Variants in NEK9 observed in about 807,000 individuals in gnomAD.
NEK9 encodes the protein serine/threonine-protein kinase Nek9.
A neutral mutation model predicts 123.4 loss-of-function variants in NEK9; 75 were observed. That is an observed-to-expected ratio of 0.61 (90% CI 0.50 to 0.74). The LOEUF (loss-of-function observed/expected upper bound fraction) is 0.74, where lower values mean the gene tolerates loss of function less well. NEK9 is among the 30% of genes least tolerant of loss of function. The probability of loss-of-function intolerance (pLI) is 0.00; values close to 1 mark genes in which losing one functional copy is unlikely to be tolerated. For synonymous variants in NEK9, 438 were observed against 458.7 expected (o/e 0.95, Z 0.58); for missense variants, 952 against 1,214.4 (o/e 0.78, Z 3.21).
rs528655834 is a variant in NEK9, at chr14:75,113,577, A to G, written c.874-174T>C. 7.7e-4 allele frequency among the ~76,000 whole-genome samples: 117 copies of G among 152,332 alleles called. 1 individual carries two copies. The highest frequency in any genetic ancestry group is 2.5e-3 in the African/African-American group (105 of 41,572). On this transcript the variant is annotated intron_variant, in intron 7 of 21. Transcript: ENST00000238616. ...CATTATAATCAACACTTGTACATGA[A>G]GGAGAATGTTTATAATGCATCTTCC... is the stretch of plus-strand genomic sequence containing the variant.
intron 21 of NEK9, 52 bp downstream of exon 21, chr14:75,086,966 G>A (rs987532552): frequency 1.3e-6 from 2 of 1,542,320 alleles, no homozygotes; most frequent in African/African-American, 2.7e-5. Context: ...TTTTGTTTCT[G>A]TGATTCTTCA....
intron 11 of NEK9, among the ~76,000 whole-genome samples, chr14:75,107,073 G>A (rs896861456): frequency 3.3e-5 from 5 of 152,016 alleles, no homozygotes; most frequent in African/African-American, 1.2e-4. Flanking sequence ...ATAGCCTGAT[G>A]AGGTGGTAAG....
intron 11 of NEK9, 117 bp from the exon 12 acceptor site, chr14:75,106,819 A>G (rs1386945440): frequency 1.4e-6 from 1 of 732,140 alleles, no homozygotes; most frequent in Non-Finnish European, 2.2e-6. Flanking sequence ...TGAATTGATT[A>G]TATCCAAGAA....
At chr14:75,098,523 A>G (rs175477) in intron 16 of NEK9, among the ~76,000 whole-genome samples, 149,240 of 152,224 alleles carry the variant, frequency 0.98, 73,214 homozygotes, top group East Asian at 1. Context: ...TTAAGGGAAC[A>G]AGCTCACTTT....
chr14:75,116,990 G>A (rs1431402104), intron 6 of NEK9, among the ~76,000 whole-genome samples: 2 of 152,094 alleles, frequency 1.3e-5, no homozygotes, highest in African/African-American at 4.8e-5. Flanking sequence ...ACCCACCTCG[G>A]CCTCCCAAAA....
At chr14:75,094,358 A>G (rs1894313801) in intron 18 of NEK9, among the ~76,000 whole-genome samples, 1 of 152,190 alleles carries the variant, frequency 6.6e-6, no homozygotes, top group Non-Finnish European at 1.5e-5. Flanking sequence ...AGGCATGATG[A>G]TAGTGCACTG....
At position 75,097,391 on chromosome 14, in the gene NEK9, G is replaced by A. The variant is rs1894425610; in HGVS notation, c.2003-121C>T. On this transcript the variant is annotated intron_variant, in intron 16 of 21. Transcript: ENST00000238616. ...CCCACTATGTACTAAACAAGGGAAA[G>A]CTGTTTATTCTCCTATATAAAGCTT... 5 of 798,864 alleles carry A rather than the reference G, an allele frequency of 6.3e-6. No individual in the cohort carries two copies. In the Admixed American group the frequency reaches 1.3e-4, roughly 21 times the overall value. The allele number at this position is 798,864 out of a possible 1,614,324, so 49.5% of individuals were successfully genotyped here.
At chr14:75,102,963 T>G (rs547766490) in intron 14 of NEK9, among the ~76,000 whole-genome samples, 1 of 151,898 alleles carries the variant, frequency 6.6e-6, no homozygotes, top group East Asian at 1.9e-4. Context: ...AAACACCGCA[T>G]GTTCTCACTC....
intron 2 of NEK9, among the ~76,000 whole-genome samples, 175 bp from the exon 3 acceptor site, chr14:75,121,349 G>A (rs763468188): frequency 1.3e-5 from 2 of 152,092 alleles, no homozygotes; most frequent in Non-Finnish European, 2.9e-5. Flanking sequence ...CTCAAGGACC[G>A]CATCAGAAAT....
intron 16 of NEK9, among the ~76,000 whole-genome samples, chr14:75,099,372 G>A (rs1894486854): frequency 6.6e-6 from 1 of 151,822 alleles, no homozygotes; most frequent in Admixed American, 6.6e-5. Flanking sequence ...CCAGTCAAGT[G>A]AAAAAAGTGG....
At chr14:75,123,684 A>G (rs1421894360) in intron 2 of NEK9, among the ~76,000 whole-genome samples, 2 of 152,196 alleles carry the variant, frequency 1.3e-5, no homozygotes, top group Non-Finnish European at 2.9e-5. Context: ...ATATAAATAA[A>G]TATCACCTAT....
rs915392429 is a variant in NEK9 at position 75,110,254 on chromosome 14, A to G, written c.989+67T>C. ...TATCCTCGGATCAAATAATGCCTAC[A>G]CTCAAGAAAGAACCCCCTGGTTGTA... On this transcript the variant is annotated intron_variant, in intron 9 of 21. Coordinates refer to ENST00000238616, the MANE Select transcript of NEK9 (RefSeq NM_033116.6). 8 of 1,227,842 alleles carry G rather than the reference A, an allele frequency of 6.5e-6. No individual in the cohort carries two copies. The African/African-American group carries it at 1.1e-4, about 16-fold the overall frequency. The allele number at this position is 1,227,842 out of a possible 1,614,324, so 76.1% of individuals were successfully genotyped here.
intron 16 of NEK9, among the ~76,000 whole-genome samples, chr14:75,097,526 GTCAT>G (rs1327813754): frequency 6.6e-6 from 1 of 152,082 alleles, no homozygotes; most frequent in Non-Finnish European, 1.5e-5. Context: ...CTTTTTATTG[GTCAT>G]TCATTCAAAC....
intron 8 of NEK9, 114 bp downstream of exon 8, chr14:75,113,225 T>C (rs893338876): frequency 2.2e-5 from 18 of 801,120 alleles, no homozygotes; most frequent in Non-Finnish European, 3.6e-5. Context: ...TGGTAGAAAA[T>C]AGCACTATTG....
intron 10 of NEK9, among the ~76,000 whole-genome samples, chr14:75,108,515 G>C (rs756908301): frequency 5.3e-3 from 8 of 1,498 alleles, no homozygotes; most frequent in African/African-American, 8.9e-3. Context: ...GTGCGTGTGC[G>C]TGTGTGTGTG....
Position 75,114,192 on chromosome 14 carries a change from G to T in NEK9, c.873+11C>A, listed in dbSNP as rs772435686. The T allele has an allele frequency of 1.3e-6, 2 of 1,588,008 alleles. No individual in the cohort carries two copies. Among genetic ancestry groups the T allele is most frequent in the African/African-American group, 1.3e-5 (1 of 74,406 alleles). On this transcript the variant is annotated intron_variant, in intron 7 of 21. Coordinates refer to ENST00000238616, the MANE Select transcript of NEK9 (RefSeq NM_033116.6). ...ATACGAAACTGAAGTGAATGTTTAA[G>T]TCACACCTACCTGGTCAAGGCACGA... is the stretch of plus-strand genomic sequence containing the variant.
Position 75,120,515 on chromosome 14 carries a change from A to G in NEK9, c.519T>C (p.Leu173=), listed in dbSNP as rs1895292623. 1 of 1,611,426 alleles carries G rather than the reference A, an allele frequency of 6.2e-7. No individual in the cohort carries two copies. ...TAATTTTTTTTACTTCTTACCTATG[A>G]AGGATTCCAGCTTTATGGATGCAGC... ...AVSCIHKAGI[L]HRDIKTLNIF... is the part of the protein sequence containing the mutation. Residue 173 remains leucine, a synonymous_variant, in exon 4 of 22, where the codon CTT becomes CTC. Transcript: ENST00000238616.
intron 6 of NEK9, 44 bp downstream of exon 6, chr14:75,117,151 T>C: frequency 1.3e-6 from 2 of 1,594,396 alleles, no homozygotes; most frequent in South Asian, 1.1e-5. Context: ...GCTGTACCAT[T>C]TGCAACCTGC....
At chr14:75,095,311 G>A in intron 18 of NEK9, 61 bp downstream of exon 18, 1 of 1,208,244 alleles carries the variant, frequency 8.3e-7, no homozygotes, top group Non-Finnish European at 1.2e-6. Context: ...AGTCTACATG[G>A]AATCTAACCA....
Sources: allele counts gnomAD v4.1 joint callset (sites outside exome capture counted in the v4.1 genomes callset), GRCh38; gene constraint gnomAD v4.1.1; transcripts MANE v1.5; gene names NCBI Gene and HGNC (gene_info 2026-07-23, HGNC 2026-07-21).